The following ADK variants were observed in gnomAD, a reference collection of about 807,000 sequenced individuals.
ADK encodes the protein N6,N6-dimethyladenosine kinase.
In ADK, 24 loss-of-function variants were observed where a neutral mutation model predicts 44.7. That is an observed-to-expected ratio of 0.54 (90% CI 0.39 to 0.76). The LOEUF (loss-of-function observed/expected upper bound fraction) is 0.76. Ranked by LOEUF, ADK falls within the 30% of genes least tolerant of loss-of-function variation. The pLI is 0.00. For missense variants in ADK, 321 were observed against 425.1 expected (o/e 0.76, Z 2.15); for synonymous variants, 128 against 142.6 (o/e 0.90, Z 0.73).
chr10:74,705,213 G>A (rs1476379097), intron 10 of ADK, among the ~76,000 whole-genome samples: 3 of 152,138 alleles, frequency 2.0e-5, no homozygotes, highest in Non-Finnish European at 4.4e-5. Flanking sequence ...AGGGCCTCAG[G>A]GAAGGCCCAG....
intron 3 of ADK, among the ~76,000 whole-genome samples, chr10:74,237,430 T>C (rs1467925065): frequency 2.0e-5 from 3 of 152,200 alleles, no homozygotes; most frequent in Non-Finnish European, 4.4e-5. Context: ...TGCAGTGACT[T>C]CTTCCCTGAA....
intron 4 of ADK, among the ~76,000 whole-genome samples, chr10:74,360,504 T>C (rs1279972921): frequency 6.6e-6 from 1 of 152,176 alleles, no homozygotes; most frequent in Admixed American, 6.5e-5. Context: ...CCTACTATTA[T>C]TGTATTTATC....
intron 6 of ADK, among the ~76,000 whole-genome samples, chr10:74,420,351 G>A (rs1224515113): frequency 6.6e-6 from 1 of 152,140 alleles, no homozygotes; most frequent in Admixed American, 6.5e-5. Context: ...ATCCTTGAAA[G>A]TGAGTGCTTT....
At chr10:74,491,013 A>C (rs1847463400) in intron 6 of ADK, among the ~76,000 whole-genome samples, 1 of 152,120 alleles carries the variant, frequency 6.6e-6, no homozygotes, top group Admixed American at 6.6e-5. Flanking sequence ...TTTTATTCTC[A>C]AAAAATGTAG....
chr10:74,503,329 A>G (rs1396200561), intron 6 of ADK, among the ~76,000 whole-genome samples: 2 of 152,230 alleles, frequency 1.3e-5, no homozygotes, highest in African/African-American at 4.8e-5. Context: ...GGCTAGCTAG[A>G]AACTCCATAT....
Position 74,394,211 on chromosome 10 carries a change from T to C in ADK, c.344T>C (p.Ile115Thr). The change falls in exon 5 of 11, where the codon ATC (isoleucine) becomes ACC (threonine). Residue 115 changes from isoleucine to threonine, a missense_variant. Ile to Thr is a moderately conservative substitution (Grantham distance 89). Transcript: ENST00000539909. ...ATTGGGATAGATAAATTTGGGGAGA[T>C]CCTGAAGAGAAAAGCTGCTGAAGCC... ...GCIGIDKFGE[I>T]LKRKAAEAHV... 1 of 1,613,986 alleles carries C rather than the reference T, an allele frequency of 6.2e-7. No individual in the cohort carries two copies. Among genetic ancestry groups the C allele is most frequent in the South Asian group, 1.1e-5 (1 of 91,082 alleles).
intron 6 of ADK, chr10:74,424,156 G>A (rs1844689480): frequency 6.6e-6 from 1 of 152,322 alleles, no homozygotes; most frequent in Non-Finnish European, 1.5e-5. Context: ...CACAGGCTCC[G>A]CTTCTCTCCC....
intron 7 of ADK, among the ~76,000 whole-genome samples, chr10:74,537,248 T>G (rs1399798556): frequency 6.6e-6 from 1 of 152,246 alleles, no homozygotes; most frequent in Non-Finnish European, 1.5e-5. Flanking sequence ...ATTTAAAATC[T>G]TTGGTAACCT....
At chr10:74,578,589 C>G (rs1179585842) in intron 7 of ADK, among the ~76,000 whole-genome samples, 1 of 151,878 alleles carries the variant, frequency 6.6e-6, no homozygotes, top group Non-Finnish European at 1.5e-5. Context: ...AAACAGGTGG[C>G]AGGATGAATT....
chr10:74,246,167 C>T (rs1368383325), intron 3 of ADK, among the ~76,000 whole-genome samples: 1 of 152,032 alleles, frequency 6.6e-6, no homozygotes, highest in African/African-American at 2.4e-5. Context: ...TCTGTGAGGG[C>T]AGAACTATAT....
chr10:74,320,581 C>G (rs1564652033), intron 4 of ADK, among the ~76,000 whole-genome samples: 1 of 151,900 alleles, frequency 6.6e-6, no homozygotes, highest in African/African-American at 2.4e-5. Context: ...TTTATTTTCT[C>G]TTTGTTTTCC....
At chr10:74,593,556 T>A (rs1380411894) in intron 8 of ADK, among the ~76,000 whole-genome samples, 1 of 152,050 alleles carries the variant, frequency 6.6e-6, no homozygotes. Context: ...GAGAGAGAAC[T>A]TAATGTACTA....
At chr10:74,560,438 T>C (rs763540452) in intron 7 of ADK, among the ~76,000 whole-genome samples, 1 of 152,218 alleles carries the variant, frequency 6.6e-6, no homozygotes, top group Non-Finnish European at 1.5e-5. Flanking sequence ...TGATGGGTCA[T>C]TGCTGACTGT....
chr10:74,615,113 C>T (rs943624562), intron 9 of ADK, among the ~76,000 whole-genome samples: 1 of 151,978 alleles, frequency 6.6e-6, no homozygotes, highest in African/African-American at 2.4e-5. Context: ...TTGTTTTATC[C>T]TAAAGTAGTT....
At chr10:74,614,754 A>G (rs1310534523) in intron 9 of ADK, among the ~76,000 whole-genome samples, 1 of 151,172 alleles carries the variant, frequency 6.6e-6, no homozygotes, top group Non-Finnish European at 1.5e-5. Context: ...CCTATAATCA[A>G]CTATTTCTCC....
At chr10:74,656,585 C>T (rs1227490649) in intron 9 of ADK, among the ~76,000 whole-genome samples, 1 of 152,120 alleles carries the variant, frequency 6.6e-6, no homozygotes, top group Non-Finnish European at 1.5e-5. Context: ...GAGACTTAAG[C>T]ATGGGGTCCC....
intron 6 of ADK, among the ~76,000 whole-genome samples, chr10:74,520,768 G>A (rs1203438481): frequency 1.3e-5 from 2 of 151,950 alleles, no homozygotes; most frequent in East Asian, 3.9e-4. Context: ...CGGTTGTTTG[G>A]TTCTATTTTA....
At chr10:74,289,120 C>A (rs7085940) in intron 3 of ADK, among the ~76,000 whole-genome samples, 99,403 of 152,052 alleles carry the variant, frequency 0.65, 33,642 homozygotes, top group Middle Eastern at 0.81. Flanking sequence ...TTCAAACATC[C>A]CACCAGAAAG....
chr10:74,222,581 A>T (rs1203545882), intron 2 of ADK, among the ~76,000 whole-genome samples: 2 of 152,212 alleles, frequency 1.3e-5, no homozygotes, highest in Non-Finnish European at 2.9e-5. Context: ...TTGCGGCGCT[A>T]TTAACAATAG....
Sources: allele counts gnomAD v4.1 joint callset (sites outside exome capture counted in the v4.1 genomes callset), GRCh38; gene constraint gnomAD v4.1.1; transcripts MANE v1.5; gene names NCBI Gene and HGNC (gene_info 2026-07-23, HGNC 2026-07-21).